DNAH8: variants seen among roughly 807,000 people sequenced by gnomAD.
DNAH8 encodes the protein dynein axonemal heavy chain 8.
A neutral mutation model predicts 562.1 loss-of-function variants in DNAH8; 382 were observed. The observed-to-expected ratio is 0.68, with a 90% CI of 0.63 to 0.74. The LOEUF (loss-of-function observed/expected upper bound fraction) is 0.74. Ranked by LOEUF, DNAH8 falls within the 30% of genes least tolerant of loss-of-function variation. The pLI is 0.00. For missense variants in DNAH8, 5,203 were observed against 5,620.4 expected (o/e 0.93, Z 2.37); for synonymous variants, 1,881 against 1,919.4 (o/e 0.98, Z 0.52).
chr6:38,775,782 C>T lies in DNAH8; in HGVS notation c.1793C>T (p.Thr598Ile). Residue 598 changes from threonine to isoleucine, a missense_variant, in exon 13 of 93, where the codon ACA (threonine) becomes ATA (isoleucine). Thr to Ile is a moderately conservative substitution (Grantham distance 89, BLOSUM62 -1). Coordinates refer to ENST00000327475, the MANE Select transcript of DNAH8 (RefSeq NM_001206927.2). ...ACAGAAATGATAACTGTTGTGCAAA[C>T]ATATTCAACCTTGAGTAATTCTACC... is the stretch of plus-strand genomic sequence containing the variant. Reference protein sequence around the residue: ...KITEMITVVQTYSTLSNSTIE... With the variant: ...KITEMITVVQIYSTLSNSTIE... 6.3e-7 allele frequency: 1 copy of T among 1,597,412 alleles called. No homozygotes were observed. The highest frequency in any genetic ancestry group is 8.6e-7 in the Non-Finnish European group (1 of 1,166,002).
chr6:38,970,354 C>A (rs1004525812), intron 82 of DNAH8, among the ~76,000 whole-genome samples: 2 of 152,146 alleles, frequency 1.3e-5, no homozygotes, highest in African/African-American at 4.8e-5. Flanking sequence ...GGGTGGGATT[C>A]TTTTCAGGTG....
intron 36 of DNAH8, among the ~76,000 whole-genome samples, chr6:38,846,891 A>T (rs144172828): frequency 6.6e-6 from 1 of 152,192 alleles, no homozygotes. Context: ...AGTAAACTCA[A>T]TGTTTACAAA....
chr6:38,925,866 GT>G (rs200756112), intron 73 of DNAH8, among the ~76,000 whole-genome samples, 188 bp from the exon 74 acceptor site: 20 of 150,256 alleles, frequency 1.3e-4, no homozygotes, highest in African/African-American at 3.9e-4. Flanking sequence ...TAATAAATTT[GT>G]TTTTTTTTAA....
intron 82 of DNAH8, among the ~76,000 whole-genome samples, chr6:38,963,253 C>CTTTTTTTTTT (rs57083753): frequency 1.1e-4 from 11 of 102,578 alleles, no homozygotes; most frequent in African/African-American, 1.4e-4. Context: ...AGTCCTTTTT[C>CTTTTTTTTTT]TTTTTTTTTT....
chr6:38,716,005 C>CT (rs1277519356), intron 1 of DNAH8, among the ~76,000 whole-genome samples: 8 of 87,768 alleles, frequency 9.1e-5, no homozygotes, highest in East Asian at 2.6e-4. Context: ...GCCGCCCAGG[C>CT]TGGAGTGCAG....
In DNAH8 at chr6:38,873,153, G is replaced by A; in HGVS notation, c.7479+6G>A. ...GCTGGAGGCCAATCTTACAGGTGGGGCAGAGAGATGGGAAGAAGAACCCTC... is the reference window on the plus strand; with the variant it reads ...GCTGGAGGCCAATCTTACAGGTGGGACAGAGAGATGGGAAGAAGAACCCTC... On this transcript the variant is annotated splice_donor_region_variant and intron_variant, in intron 51 of 92. Coordinates refer to ENST00000327475, the MANE Select transcript of DNAH8 (RefSeq NM_001206927.2). 6.2e-7 allele frequency: 1 copy of A among 1,613,218 alleles called. No individual in the cohort carries two copies. Among genetic ancestry groups the A allele is most frequent in the Middle Eastern group, 1.7e-4 (1 of 6,060 alleles).
At chr6:39,021,650 G>A (rs1286236576) in intron 91 of DNAH8, among the ~76,000 whole-genome samples, 1 of 152,168 alleles carries the variant, frequency 6.6e-6, no homozygotes, top group East Asian at 1.9e-4. Flanking sequence ...CTCATTTGGG[G>A]GAAAAACTGC....
Position 38,896,186 on chromosome 6 carries a change from T to G in DNAH8, c.8901T>G (p.Pro2967=), listed in dbSNP as rs750519404. 5.6e-6 allele frequency: 9 copies of G among 1,614,102 alleles called. No homozygotes were observed. The highest frequency in any genetic ancestry group is 7.6e-6 in the Non-Finnish European group (9 of 1,179,984). The change falls in exon 60 of 93, where the codon CCT becomes CCG. Residue 2967 remains proline (P), a synonymous_variant. Coordinates refer to ENST00000327475, the MANE Select transcript of DNAH8 (RefSeq NM_001206927.2). The part of the protein sequence containing the change: ...REMPEPTGDE[P]EDSVFEVPKI... The stretch of plus-strand genomic sequence containing the variant: ...TGCCAGAACCAACTGGTGATGAACC[T>G]GAAGACTCTGTGTTTGAAGTACCCA...
chr6:38,873,727 TACACACACACACACACACAC>T (rs762717515), intron 52 of DNAH8, among the ~76,000 whole-genome samples: 3 of 96,420 alleles, frequency 3.1e-5, no homozygotes, highest in Admixed American at 1.2e-4. Flanking sequence ...CACATACACC[TACACACACACACACACACAC>T]ACACACACAC....
chr6:38,873,833 AAAAT>A (rs141389224), intron 52 of DNAH8, among the ~76,000 whole-genome samples: 65,143 of 151,014 alleles, frequency 0.43, 15,007 homozygotes, highest in East Asian at 0.84. Flanking sequence ...TAAGTAAATA[AAAAT>A]AAATAAAGTT....
chr6:38,793,839 G>A (rs1375811404), intron 21 of DNAH8, among the ~76,000 whole-genome samples: 1 of 151,888 alleles, frequency 6.6e-6, no homozygotes, highest in East Asian at 1.9e-4. Context: ...AAAAAATGGG[G>A]GAGTCTAATT....
In DNAH8 at chr6:38,988,564, C is replaced by A. The variant is rs188721991; in HGVS notation, c.13054-1448C>A. 1.2e-3 allele frequency among the ~76,000 whole-genome samples: 179 copies of A among 152,270 alleles called. 3 individuals carry two copies. The highest frequency in any genetic ancestry group is 3.9e-3 in the African/African-American group (163 of 41,538). ...TTCTCTTTAATAACTTTCAACTACT[C>A]TCCATTTCTTGAATTAATCACCAGT... On this transcript the variant is annotated intron_variant, in intron 87 of 92. Transcript: ENST00000327475.
At chr6:38,872,848 T>G in intron 50 of DNAH8, 58 bp from the exon 51 acceptor site, 1 of 1,606,440 alleles carries the variant, frequency 6.2e-7, no homozygotes, top group Non-Finnish European at 8.5e-7. Context: ...ATTTTTTTGA[T>G]TTTTCCATTT....
At position 38,973,660 on chromosome 6, in the gene DNAH8, G is replaced by C; in HGVS notation, c.12526-1G>C. The C allele has an allele frequency of 5.0e-6, 8 of 1,585,386 alleles. No homozygotes were observed. Among genetic ancestry groups the C allele is most frequent in the Non-Finnish European group, 6.8e-6 (8 of 1,169,808 alleles). On this transcript the variant is annotated splice_acceptor_variant, in intron 83 of 92. Coordinates refer to ENST00000327475, the MANE Select transcript of DNAH8 (RefSeq NM_001206927.2). LOFTEE classifies it high-confidence loss of function. ...AAATATGAACTTATTTTTGGATACA[G>C]GGTGGTTGGGTATTACTACAAAATT...
At chr6:38,810,666 C>T (rs1771716568) in intron 24 of DNAH8, among the ~76,000 whole-genome samples, 1 of 151,962 alleles carries the variant, frequency 6.6e-6, no homozygotes, top group Admixed American at 6.6e-5. Context: ...CTACAAGGGC[C>T]TTGGCAGGCT....
At position 38,960,434 on chromosome 6, in the gene DNAH8, T is replaced by A. The variant is rs988884619; in HGVS notation, c.12451+8914T>A. Among the ~76,000 whole-genome samples the A allele has an allele frequency of 1.5e-3, 206 of 134,172 alleles. 2 individuals carry two copies. Among genetic ancestry groups the A allele is most frequent in the African/African-American group, 4.9e-3 (185 of 37,440 alleles). The allele number at this position is 134,172 out of a possible 152,430, so 88.0% of individuals were successfully genotyped here. On this transcript the variant is annotated intron_variant, in intron 82 of 92. Coordinates refer to ENST00000327475, the MANE Select transcript of DNAH8 (RefSeq NM_001206927.2). ...AACTCAATAGCAAAAAAAAAAAAAA[T>A]AATAATCTGATTATTAAAGTGGACA...
intron 77 of DNAH8, 70 bp from the exon 78 acceptor site, chr6:38,937,904 C>A (rs1188861255): frequency 5.6e-5 from 76 of 1,365,556 alleles, no homozygotes; most frequent in Admixed American, 6.8e-5. Flanking sequence ...TTTTTTTTTT[C>A]AGAAGAGATG....
In DNAH8 at chr6:38,931,992, A is replaced by G; in HGVS notation, c.11456A>G (p.Gln3819Arg). 2 of 1,562,244 alleles carry G rather than the reference A, an allele frequency of 1.3e-6. 1 individual carries two copies. The highest frequency in any genetic ancestry group is 2.4e-5 in the South Asian group (2 of 81,954). ...LLRRVILTEK[Q>R]ELEAERVKLL... is the part of the protein sequence containing the mutation. ...AGGAGAGTCATTCTAACAGAGAAAC[A>G]GGTAATCTCTCTCTCAAGGTAAAGA... Residue 3819 changes from glutamine (Q) to arginine (R), a missense_variant and splice_region_variant, in exon 76 of 93, where the codon CAG (glutamine) becomes CGG (arginine). Around this residue, in one of 6 missense-constraint regions of DNAH8, gnomAD observed 1,399 missense variants for 1,518.4 expected, o/e 0.92. Coordinates refer to ENST00000327475, the MANE Select transcript of DNAH8 (RefSeq NM_001206927.2).
chr6:38,902,046 A>C (rs1292287163), intron 62 of DNAH8, among the ~76,000 whole-genome samples: 5 of 152,196 alleles, frequency 3.3e-5, no homozygotes, highest in Admixed American at 6.5e-5. Context: ...CACTGGCATT[A>C]TCTGTCTGAT....
Sources: gnomAD v4.1 joint callset for allele counts (sites outside exome capture counted in the v4.1 genomes callset) on GRCh38, gnomAD v4.1.1 for gene constraint, gnomAD v4.1.1 regional missense constraint, MANE v1.5 for transcripts, NCBI Gene and HGNC (gene_info 2026-07-23, HGNC 2026-07-21) for gene names.